The following PKP2 variants were observed in gnomAD, a reference collection of about 807,000 sequenced individuals.
The protein encoded by PKP2 is plakophilin-2.
PKP2 carries 73 observed loss-of-function variants against 83.4 expected under a neutral mutation model. That is an observed-to-expected ratio of 0.88 (90% confidence interval 0.72 to 1.06). PKP2 has a LOEUF of 1.06. Among genes scored for constraint, PKP2 ranks in the 50% least tolerant of loss-of-function variants. PKP2 has a pLI of 0.00. For synonymous variants in PKP2, 409 were observed against 430.4 expected (o/e 0.95, Z 0.62); for missense variants, 966 against 1,065.4 (o/e 0.91, Z 1.30).
chr12:32,866,295 G>A (rs1357294150), intron 4 of PKP2, among the ~76,000 whole-genome samples: 1 of 152,120 alleles, frequency 6.6e-6, no homozygotes, highest in East Asian at 1.9e-4. Context: ...GCTCATGCCT[G>A]TAATCCCATC....
chr12:32,807,657 G>A (rs1307573816), intron 9 of PKP2, among the ~76,000 whole-genome samples: 1 of 152,186 alleles, frequency 6.6e-6, no homozygotes, highest in African/African-American at 2.4e-5. Context: ...TTTTCATAGT[G>A]GCTGGTAATG....
chr12:32,841,784 G>A (rs1565587164), intron 5 of PKP2, among the ~76,000 whole-genome samples: 1 of 152,162 alleles, frequency 6.6e-6, no homozygotes, highest in African/African-American at 2.4e-5. Flanking sequence ...ACCAATTAAT[G>A]TTATTGACTG....
intron 4 of PKP2, among the ~76,000 whole-genome samples, chr12:32,856,038 A>G (rs535150718): frequency 1.3e-5 from 2 of 152,336 alleles, no homozygotes; most frequent in South Asian, 4.1e-4. Context: ...ATTAAAAATT[A>G]GAGAACAAAA....
intron 5 of PKP2, among the ~76,000 whole-genome samples, chr12:32,848,335 GA>G (rs1956666957): frequency 6.6e-6 from 1 of 152,170 alleles, no homozygotes; most frequent in South Asian, 2.1e-4. Flanking sequence ...GAGGCAGGGA[GA>G]ATTGCTTGAA....
At chr12:32,833,383 A>G (rs2137809821) in intron 6 of PKP2, among the ~76,000 whole-genome samples, 1 of 152,332 alleles carries the variant, frequency 6.6e-6, no homozygotes, top group South Asian at 2.1e-4. Flanking sequence ...TTTGGTGTGT[A>G]TGTGCTGGAG....
At chr12:32,876,828 CT>C (rs1409109530) in intron 3 of PKP2, among the ~76,000 whole-genome samples, 1 of 152,192 alleles carries the variant, frequency 6.6e-6, no homozygotes, top group Non-Finnish European at 1.5e-5. Flanking sequence ...CTGCTCCCGG[CT>C]TATTTTTCCT....
intron 4 of PKP2, among the ~76,000 whole-genome samples, chr12:32,853,042 C>CCACTGCATCTGCT (rs1346203672): frequency 2.0e-5 from 3 of 152,098 alleles, no homozygotes; most frequent in African/African-American, 7.2e-5. Flanking sequence ...AGAAATGGCA[C>CCACTGCATCTGCT]CACTGCACTC....
chr12:32,824,779 A>G (rs1259240377), intron 6 of PKP2, among the ~76,000 whole-genome samples: 1 of 152,214 alleles, frequency 6.6e-6, no homozygotes, highest in Non-Finnish European at 1.5e-5. Context: ...ATGACCTATA[A>G]ATATCTTTAC....
At position 32,878,222 on chromosome 12, in the gene PKP2, G is replaced by A. The variant is rs886041322; in HGVS notation, c.658C>T (p.Gln220Ter). The change falls in exon 3 of 13, where the codon CAG (glutamine) becomes TAG (stop). Residue 220 changes from glutamine to a stop codon, truncating the protein, a stop_gained. Transcript: ENST00000340811. LOFTEE classifies it high-confidence loss of function. Reference protein sequence around the residue: ...RQRHFDTYHRQYQHGSVSDTV... With the variant: ...RQRHFDTYHR ...TCGCTAACAGAGCCATGCTGGTACT[G>A]TCTGTGGTATGTGTCAAAGTGGCGC... 1 of 1,614,216 alleles carries A rather than the reference G, an allele frequency of 6.2e-7. No homozygotes were observed. Among genetic ancestry groups the A allele is most frequent in the Non-Finnish European group, 8.5e-7 (1 of 1,180,034 alleles).
intron 5 of PKP2, chr12:32,843,388 G>A: frequency 8.6e-7 from 1 of 1,168,044 alleles, no homozygotes; most frequent in Non-Finnish European, 1.2e-6. Flanking sequence ...GGCAGACTTG[G>A]CTGAACTATG....
chr12:32,792,804 T>A (rs1008484331), intron 11 of PKP2, 73 bp from the exon 12 acceptor site: 29 of 1,173,318 alleles, frequency 2.5e-5, no homozygotes, highest in Non-Finnish European at 3.6e-5. Flanking sequence ...GGGTGTTCTG[T>A]AAGACCTCTT....
intron 6 of PKP2, among the ~76,000 whole-genome samples, chr12:32,835,342 C>A (rs571701869): frequency 4.6e-5 from 7 of 152,056 alleles, no homozygotes; most frequent in Non-Finnish European, 1.0e-4. Flanking sequence ...CATGAGCCAC[C>A]GTGCCCGGCC....
chr12:32,854,888 G>A (rs1392019168), intron 4 of PKP2, among the ~76,000 whole-genome samples: 1 of 152,190 alleles, frequency 6.6e-6, no homozygotes, highest in Non-Finnish European at 1.5e-5. Context: ...CTCCAGACCT[G>A]GAGCCTTTGC....
chr12:32,823,712 T>C lies in PKP2; in HGVS notation c.1674+333A>G, dbSNP rs183861263. Among the ~76,000 whole-genome samples, 202 of 152,042 alleles carry C rather than the reference T, an allele frequency of 1.3e-3. 2 individuals carry two copies. The highest frequency in any genetic ancestry group is 4.5e-3 in the African/African-American group (188 of 41,494). On this transcript the variant is annotated intron_variant, in intron 7 of 12. Transcript: ENST00000340811. ...AGCTCTGGGGTTCATGCCATTCTCC[T>C]GCCTCAGCCTCCTGAGTAGCTGGAA...
chr12:32,819,927 AT>A (rs1956361361), intron 9 of PKP2, among the ~76,000 whole-genome samples: 1 of 148,396 alleles, frequency 6.7e-6, no homozygotes, highest in Non-Finnish European at 1.5e-5. Flanking sequence ...TTAGCTGGGA[AT>A]TAAAAAGAGG....
At chr12:32,879,523 ACT>A (rs1373786177) in intron 1 of PKP2, among the ~76,000 whole-genome samples, 1 of 151,750 alleles carries the variant, frequency 6.6e-6, no homozygotes, top group Non-Finnish European at 1.5e-5. Context: ...CAAAAGTGAA[ACT>A]CTGTCTCAAA....
chr12:32,858,126 T>TG (rs1292787879), intron 4 of PKP2, among the ~76,000 whole-genome samples: 1 of 99,082 alleles, frequency 1.0e-5, no homozygotes, highest in African/African-American at 4.1e-5. Flanking sequence ...TTTATATATA[T>TG]TTTATATTTA....
chr12:32,896,412 G>A (rs1957123981), intron 1 of PKP2, 97 bp downstream of exon 1: 5 of 929,968 alleles, frequency 5.4e-6, no homozygotes, highest in Non-Finnish European at 6.1e-6. Flanking sequence ...AGAACACGGG[G>A]TCCCGCACTC....
intron 7 of PKP2, among the ~76,000 whole-genome samples, chr12:32,823,652 G>A (rs1956404970): frequency 2.0e-5 from 3 of 149,958 alleles, no homozygotes; most frequent in African/African-American, 4.9e-5. Flanking sequence ...TGTCGCCCAC[G>A]CTGGAGTGCA....
Sources: allele counts gnomAD v4.1 joint callset (sites outside exome capture counted in the v4.1 genomes callset), GRCh38; gene constraint gnomAD v4.1.1; transcripts MANE v1.5; gene names NCBI Gene and HGNC (gene_info 2026-07-23, HGNC 2026-07-21).